Variants in KCNC2 observed in about 807,000 individuals in gnomAD.
The protein encoded by KCNC2 is potassium voltage-gated channel subfamily C member 2, also known as voltage-gated potassium channel KCNC2.
A neutral mutation model predicts 44.5 loss-of-function variants in KCNC2; 21 were observed. That is an observed-to-expected ratio of 0.47 (90% confidence interval 0.33 to 0.68). KCNC2 has a LOEUF of 0.68. Ranked by LOEUF, KCNC2 falls within the 30% of genes least tolerant of loss-of-function variation. The pLI is 0.01. For synonymous variants in KCNC2, 391 were observed against 339.1 expected (o/e 1.15, Z -1.68); for missense variants, 589 against 826.2 (o/e 0.71, Z 3.52).
At chr12:75,145,440 C>T (rs549999258) in intron 2 of KCNC2, among the ~76,000 whole-genome samples, 1 of 151,496 alleles carries the variant, frequency 6.6e-6, no homozygotes, top group South Asian at 2.1e-4. Flanking sequence ...CTACATTAAG[C>T]TCATATCCTA....
At chr12:75,101,317 T>C (rs1364566699) in intron 2 of KCNC2, among the ~76,000 whole-genome samples, 2 of 152,100 alleles carry the variant, frequency 1.3e-5, no homozygotes, top group Non-Finnish European at 2.9e-5. Context: ...TCAGGTTACA[T>C]GGTGTTCAGA....
intron 2 of KCNC2, among the ~76,000 whole-genome samples, chr12:75,173,083 A>G (rs1460812705): frequency 6.6e-6 from 1 of 151,898 alleles, no homozygotes; most frequent in East Asian, 1.9e-4. Context: ...ATCCCTTTGA[A>G]TATTGGCATA....
intron 4 of KCNC2, among the ~76,000 whole-genome samples, chr12:75,045,131 G>C (rs903170269): frequency 3.3e-5 from 5 of 151,930 alleles, no homozygotes; most frequent in African/African-American, 1.2e-4. Context: ...ACATTGATTG[G>C]CTTCGATTAA....
chr12:75,098,215 G>A (rs1177813544), intron 2 of KCNC2, among the ~76,000 whole-genome samples: 1 of 152,120 alleles, frequency 6.6e-6, no homozygotes, highest in African/African-American at 2.4e-5. Context: ...ACATTTAATA[G>A]AAGAGAAGTT....
At chr12:75,092,843 T>C (rs1234445339) in intron 2 of KCNC2, among the ~76,000 whole-genome samples, 1 of 151,628 alleles carries the variant, frequency 6.6e-6, no homozygotes, top group Non-Finnish European at 1.5e-5. Context: ...AAAGAACAAG[T>C]TAATAGCTTT....
intron 2 of KCNC2, among the ~76,000 whole-genome samples, chr12:75,176,978 A>G (rs1469057879): frequency 6.6e-6 from 1 of 150,806 alleles, no homozygotes; most frequent in East Asian, 1.9e-4. Flanking sequence ...TAAAATGTAT[A>G]AAGAAGAAGA....
intron 2 of KCNC2, among the ~76,000 whole-genome samples, chr12:75,120,015 G>A (rs7978855): frequency 0.15 from 22,562 of 152,104 alleles, 1,965 homozygotes; most frequent in Middle Eastern, 0.27. Flanking sequence ...TAAAGCTTTC[G>A]AAGAGGATTT....
intron 2 of KCNC2, among the ~76,000 whole-genome samples, chr12:75,063,093 G>C (rs1364823711): frequency 6.6e-6 from 1 of 151,990 alleles, no homozygotes; most frequent in African/African-American, 2.4e-5. Flanking sequence ...TTAGGCAAGA[G>C]CCAGAATTAT....
In KCNC2 at chr12:75,050,452, T is replaced by C. The variant is rs1881047211; in HGVS notation, c.1553A>G (p.Asn518Ser). ...FCKTELNMACNSTQSDTCLGK... is the reference protein window; with the variant it reads ...FCKTELNMACSSTQSDTCLGK... Reference sequence around the variant, plus strand: ...CAGACATGTGTCACTCTGTGTACTATTGCAGGCCATATTTAATTCTGTCTT... The same window carrying C: ...CAGACATGTGTCACTCTGTGTACTACTGCAGGCCATATTTAATTCTGTCTT... Residue 518 changes from asparagine (N) to serine (S), a missense_variant, in exon 3 of 5, where the codon AAT becomes AGT. By Grantham distance (46) the Asn-to-Ser change is conservative (BLOSUM62 1). Transcript: ENST00000549446. 6 of 1,613,704 alleles carry C rather than the reference T, an allele frequency of 3.7e-6. No individual in the cohort carries two copies. The highest frequency in any genetic ancestry group is 5.1e-6 in the Non-Finnish European group (6 of 1,179,778).
intron 2 of KCNC2, among the ~76,000 whole-genome samples, chr12:75,151,484 C>A (rs2137466044): frequency 6.6e-6 from 1 of 151,890 alleles, no homozygotes; most frequent in Admixed American, 6.6e-5. Context: ...AAAGAATTCC[C>A]AAAGATAAAA....
chr12:75,097,195 C>A (rs911021159), intron 2 of KCNC2, among the ~76,000 whole-genome samples: 30 of 152,056 alleles, frequency 2.0e-4, no homozygotes, highest in African/African-American at 7.2e-4. Flanking sequence ...AGTCATGGAA[C>A]AGGCAAAACT....
chr12:75,179,703 T>TTTATAAAAACTATAAAA (rs1565668634), intron 2 of KCNC2, among the ~76,000 whole-genome samples: 1 of 150,024 alleles, frequency 6.7e-6, no homozygotes, highest in Admixed American at 6.6e-5. Flanking sequence ...TAAAACTACT[T>TTTATAAAAACTATAAAA]GTATATCTTT....
intron 2 of KCNC2, among the ~76,000 whole-genome samples, chr12:75,084,254 T>TAGATAGATAGATTA (rs5799207): frequency 0.036 from 4,897 of 137,830 alleles, 376 homozygotes; most frequent in African/African-American, 0.13. Context: ...TAGATGATGA[T>TAGATAGATAGATTA]GATAGATAGA....
At chr12:75,052,720 A>C (rs1240206034) in intron 2 of KCNC2, among the ~76,000 whole-genome samples, 2 of 152,036 alleles carry the variant, frequency 1.3e-5, no homozygotes, top group Non-Finnish European at 2.9e-5. Context: ...GATTGAAACC[A>C]CCTCCCTTTT....
chr12:75,086,247 G>A (rs1437254120), intron 2 of KCNC2, among the ~76,000 whole-genome samples: 1 of 151,964 alleles, frequency 6.6e-6, no homozygotes, highest in African/African-American at 2.4e-5. Flanking sequence ...GGGTCAATAG[G>A]TCAGAAGTCT....
chr12:75,119,163 T>C (rs1170708670), intron 2 of KCNC2, among the ~76,000 whole-genome samples: 2 of 152,196 alleles, frequency 1.3e-5, no homozygotes, highest in African/African-American at 2.4e-5. Flanking sequence ...TTTCACAAAA[T>C]GGCCCTGTCA....
intron 2 of KCNC2, among the ~76,000 whole-genome samples, chr12:75,152,800 C>T (rs1890495646): frequency 6.6e-6 from 1 of 151,822 alleles, no homozygotes; most frequent in South Asian, 2.1e-4. Context: ...GGAGAAGACT[C>T]AATGCAATAA....
intron 2 of KCNC2, among the ~76,000 whole-genome samples, chr12:75,071,889 G>A (rs1354997486): frequency 1.6e-5 from 2 of 122,458 alleles, no homozygotes; most frequent in East Asian, 5.5e-4. Flanking sequence ...AGTGAGCTGA[G>A]ATCACGCCAC....
intron 2 of KCNC2, among the ~76,000 whole-genome samples, chr12:75,185,374 A>G (rs1892867766): frequency 6.6e-6 from 1 of 152,134 alleles, no homozygotes; most frequent in Non-Finnish European, 1.5e-5. Flanking sequence ...TCCCCATGCA[A>G]TGGTATTGGG....
Sources: gnomAD v4.1 joint callset for allele counts (sites outside exome capture counted in the v4.1 genomes callset) on GRCh38, gnomAD v4.1.1 for gene constraint, MANE v1.5 for transcripts, NCBI Gene and HGNC (gene_info 2026-07-23, HGNC 2026-07-21) for gene names.